BRAP: variants seen among roughly 807,000 people sequenced by gnomAD.
The protein encoded by BRAP is BRCA1-associated protein.
BRAP carries 42 observed loss-of-function variants against 73.4 expected under a neutral mutation model. The ratio of observed to expected loss-of-function variants is 0.57; its 90% CI spans 0.45 to 0.74. The LOEUF (loss-of-function observed/expected upper bound fraction) is 0.74, where lower values mean the gene tolerates loss of function less well. Among genes scored for constraint, BRAP ranks in the 30% least tolerant of loss-of-function variants. The pLI is 0.00. For missense variants in BRAP, 593 were observed against 751.4 expected, an observed-to-expected ratio of 0.79 and a Z score of 2.46; for synonymous variants, 255 against 267.4, an observed-to-expected ratio of 0.95 and a Z score of 0.45.
chr12:111,661,918 G>C (rs1309261054), intron 6 of BRAP, among the ~76,000 whole-genome samples: 1 of 151,090 alleles, frequency 6.6e-6, no homozygotes, highest in Non-Finnish European at 1.5e-5. Context: ...CACCATATTG[G>C]CCATGCTGGC....
chr12:111,683,357 C>G, intron 1 of BRAP, 50 bp from the exon 2 acceptor site: 1 of 1,539,768 alleles, frequency 6.5e-7, no homozygotes, highest in South Asian at 1.2e-5. Context: ...AAGCTCCTCT[C>G]TGTTCTCTAT....
intron 2 of BRAP, among the ~76,000 whole-genome samples, chr12:111,682,273 G>A (rs938871818): frequency 6.6e-6 from 1 of 152,092 alleles, no homozygotes. Context: ...TGTAATCCCA[G>A]CACTTTGGGA....
Position 111,665,265 on chromosome 12 carries a change from A to T in BRAP, c.896+374T>A, listed in dbSNP as rs1418630581. ...CAAAGCTAAAATATTAGGCTGCTGT[A>T]GCCCAGTTGATAAGAAGCCCAGAGT... On this transcript the variant is annotated intron_variant, in intron 6 of 11. Transcript: ENST00000419234. The surrounding 1 kb of genome is among the most constrained non-coding windows in gnomAD (Gnocchi z 4.3). Among the ~76,000 whole-genome samples the T allele has an allele frequency of 6.6e-6, 1 of 152,194 alleles. No individual in the cohort carries two copies. Among genetic ancestry groups the T allele is most frequent in the African/African-American group, 2.4e-5 (1 of 41,456 alleles).
chr12:111,653,215 A>G (rs191822119), intron 10 of BRAP, among the ~76,000 whole-genome samples: 1 of 152,314 alleles, frequency 6.6e-6, no homozygotes, highest in East Asian at 1.9e-4. Flanking sequence ...CAAATGAAAA[A>G]TTCTGATCAT....
chr12:111,653,859 T>A, intron 10 of BRAP, among the ~76,000 whole-genome samples: 1 of 152,226 alleles, frequency 6.6e-6, no homozygotes, highest in East Asian at 1.9e-4. Flanking sequence ...AAGCATCCTT[T>A]TAAGCACCCC....
At chr12:111,657,917 T>G (rs570927277) in intron 9 of BRAP, among the ~76,000 whole-genome samples, 1 of 150,940 alleles carries the variant, frequency 6.6e-6, no homozygotes, top group South Asian at 2.1e-4. Context: ...ACAATGAAAG[T>G]AACAAGGCAC....
intron 10 of BRAP, among the ~76,000 whole-genome samples, chr12:111,651,225 T>TTAATAA (rs112724065): frequency 0.17 from 24,880 of 146,916 alleles, 2,151 homozygotes; most frequent in Middle Eastern, 0.24. Context: ...AGCACTAGCT[T>TTAATAA]TAATAATAAT....
intron 5 of BRAP, among the ~76,000 whole-genome samples, chr12:111,671,709 C>G (rs1887181228): frequency 8.3e-6 from 1 of 121,204 alleles, no homozygotes; most frequent in Non-Finnish European, 1.6e-5. Flanking sequence ...TTTTTTGAGA[C>G]AGGGTCTCAC....
intron 6 of BRAP, among the ~76,000 whole-genome samples, chr12:111,664,108 T>C (rs1417210258): frequency 6.6e-6 from 1 of 152,150 alleles, no homozygotes; most frequent in Non-Finnish European, 1.5e-5. Context: ...GGAACACTGC[T>C]TCAGCTCAGG....
intron 1 of BRAP, 99 bp downstream of exon 1, chr12:111,685,612 G>A (rs1043359917): frequency 7.0e-7 from 1 of 1,421,550 alleles, no homozygotes; most frequent in East Asian, 2.8e-5. Context: ...CTGGGCAACA[G>A]CCCTCGCCGC....
intron 9 of BRAP, among the ~76,000 whole-genome samples, chr12:111,656,347 G>A (rs940988801): frequency 6.6e-5 from 10 of 152,314 alleles, no homozygotes; most frequent in African/African-American, 1.9e-4. Context: ...ACAGAGATCC[G>A]AGTCCAGAGA....
rs1310728861 is a variant in BRAP, at chr12:111,669,306, C to T, written c.747+3355G>A. Among the ~76,000 whole-genome samples, 4 of 151,824 alleles carry T rather than the reference C, an allele frequency of 2.6e-5. No homozygotes were observed. The South Asian group carries it at 6.2e-4, about 24-fold the overall frequency. On this transcript the variant is annotated intron_variant, in intron 5 of 11. Transcript: ENST00000419234. ...GTGCAATGGTGTGATCTTGGCTCACCGCAACCTCTGCCTCCTGGGTTCAAG... is the reference window on the plus strand; with the variant it reads ...GTGCAATGGTGTGATCTTGGCTCACTGCAACCTCTGCCTCCTGGGTTCAAG...
Position 111,685,867 on chromosome 12 carries a change from C to G in BRAP, c.-75G>C. 1 of 1,127,032 alleles carries G rather than the reference C, an allele frequency of 8.9e-7. No individual in the cohort carries two copies. Among genetic ancestry groups the G allele is most frequent in the Non-Finnish European group, 1.2e-6 (1 of 866,088 alleles). 69.8% of individuals were successfully genotyped at this position (1,127,032 alleles called of 1,614,324 possible). On this transcript the variant is annotated 5_prime_UTR_variant, in exon 1 of 12. Transcript: ENST00000419234. ...AAGGCGAGCCGAGAGGCCGAGCGGCCCGGGGCCGGCAGCGCCGCCACCACC... is the reference window on the plus strand; with the variant it reads ...AAGGCGAGCCGAGAGGCCGAGCGGCGCGGGGCCGGCAGCGCCGCCACCACC...
At chr12:111,664,307 G>A (rs1442947425) in intron 6 of BRAP, among the ~76,000 whole-genome samples, 1 of 152,186 alleles carries the variant, frequency 6.6e-6, no homozygotes, top group African/African-American at 2.4e-5. Context: ...ACTCCAACAC[G>A]GGTGACAGAG....
At chr12:111,649,576 C>T (rs1886242424) in intron 11 of BRAP, among the ~76,000 whole-genome samples, 1 of 152,244 alleles carries the variant, frequency 6.6e-6, no homozygotes, top group Non-Finnish European at 1.5e-5. Context: ...CTGCCCAAGG[C>T]CACAGCATAG....
chr12:111,670,644 C>T (rs150818430), intron 5 of BRAP, among the ~76,000 whole-genome samples: 2,552 of 152,286 alleles, frequency 0.017, 92 homozygotes, highest in Admixed American at 0.091. Flanking sequence ...GCATCTGCCA[C>T]GACACCAGGC....
At chr12:111,661,016 G>A (rs538440041) in intron 6 of BRAP, among the ~76,000 whole-genome samples, 1 of 149,210 alleles carries the variant, frequency 6.7e-6, no homozygotes, top group East Asian at 2.0e-4. Context: ...GTCTTGCTCT[G>A]TTGCCTGGGC....
intron 5 of BRAP, 84 bp downstream of exon 5, chr12:111,672,577 C>A (rs1887218744): frequency 4.9e-6 from 6 of 1,229,044 alleles, no homozygotes; most frequent in Middle Eastern, 2.3e-4. Context: ...CTGGCCTATT[C>A]TGGGTATTTC....
intron 11 of BRAP, among the ~76,000 whole-genome samples, chr12:111,649,183 C>G (rs1886228311): frequency 6.6e-6 from 1 of 152,134 alleles, no homozygotes; most frequent in African/African-American, 2.4e-5. Flanking sequence ...GAGACAGGGT[C>G]TCGCTGTTGC....
Sources: allele counts gnomAD v4.1 joint callset (sites outside exome capture counted in the v4.1 genomes callset), GRCh38; gene constraint gnomAD v4.1.1; non-coding constraint Gnocchi (gnomAD v3.1); transcripts MANE v1.5; gene names NCBI Gene and HGNC (gene_info 2026-07-23, HGNC 2026-07-21).